REDIC1: variants seen among roughly 807,000 people sequenced by gnomAD.
REDIC1 encodes the protein HEI10 Interacting Protein 1.
the REDIC1 span, among the ~76,000 whole-genome samples, chr12:39,636,694 A>C: frequency 6.6e-6 from 1 of 152,076 alleles, no homozygotes; most frequent in African/African-American, 2.4e-5. Context: ...TTTCTTTTGC[A>C]TGACACAATG....
chr12:39,862,299 T>G, the REDIC1 span, among the ~76,000 whole-genome samples: 8 of 152,244 alleles, frequency 5.3e-5, no homozygotes, highest in Non-Finnish European at 1.2e-4. Flanking sequence ...GCAACCAATA[T>G]TTATTGAATT....
chr12:39,805,360 G>A, the REDIC1 span, among the ~76,000 whole-genome samples: 1 of 152,144 alleles, frequency 6.6e-6, no homozygotes, highest in Non-Finnish European at 1.5e-5. Context: ...GGAGGCATCT[G>A]TAATAATCCT....
the REDIC1 span, among the ~76,000 whole-genome samples, chr12:39,747,708 A>G: frequency 6.6e-6 from 1 of 152,262 alleles, no homozygotes; most frequent in Admixed American, 6.5e-5. Flanking sequence ...AGGGAAGCCC[A>G]TCAGACTAAC....
the REDIC1 span, among the ~76,000 whole-genome samples, chr12:39,804,147 A>C: frequency 4.6e-5 from 7 of 152,186 alleles, no homozygotes; most frequent in Admixed American, 2.0e-4. Flanking sequence ...TAAATATCTT[A>C]TTTAGGAGAC....
chr12:39,711,332 C>CACATATATACATCTATATGTATATAT, the REDIC1 span, among the ~76,000 whole-genome samples: 1,799 of 145,110 alleles, frequency 0.012, 19 homozygotes, highest in Non-Finnish European at 0.018. Context: ...ATGTATAGAT[C>CACATATATACATCTATATGTATATAT]ACATATATAC....
the REDIC1 span, among the ~76,000 whole-genome samples, chr12:39,834,219 G>C: frequency 6.6e-6 from 1 of 152,026 alleles, no homozygotes; most frequent in South Asian, 2.1e-4. Context: ...TGCCCATTAT[G>C]ACTCTTGAGA....
chr12:39,729,477 G>T, the REDIC1 span, among the ~76,000 whole-genome samples: 1 of 152,186 alleles, frequency 6.6e-6, no homozygotes, highest in Non-Finnish European at 1.5e-5. Context: ...TTTTAAGTGA[G>T]TTTCTTAACC....
At chr12:39,867,892 G>A in the REDIC1 span, among the ~76,000 whole-genome samples, 1 of 152,060 alleles carries the variant, frequency 6.6e-6, no homozygotes, top group Non-Finnish European at 1.5e-5. Context: ...CCAAGACAGG[G>A]CTAAAACCCC....
At chr12:39,643,228 A>G in the REDIC1 span, among the ~76,000 whole-genome samples, 7 of 151,804 alleles carry the variant, frequency 4.6e-5, no homozygotes, top group South Asian at 2.1e-4. Flanking sequence ...GAAAATAAAA[A>G]CTGGATAAAG....
the REDIC1 span, among the ~76,000 whole-genome samples, chr12:39,669,942 C>G: frequency 1.3e-5 from 2 of 152,092 alleles, no homozygotes; most frequent in Non-Finnish European, 2.9e-5. Context: ...TTTCAGGTGC[C>G]GTCTGTCACC....
the REDIC1 span, among the ~76,000 whole-genome samples, chr12:39,695,739 C>T: frequency 7.9e-4 from 121 of 152,250 alleles, no homozygotes; most frequent in African/African-American, 2.8e-3. Context: ...TTGCAGAGCC[C>T]TAGGGCCTTG....
At chr12:39,704,581 C>T in the REDIC1 span, among the ~76,000 whole-genome samples, 1 of 151,710 alleles carries the variant, frequency 6.6e-6, no homozygotes, top group Non-Finnish European at 1.5e-5. Flanking sequence ...GGTATATACC[C>T]AAAGGACTAT....
chr12:39,810,833 G>A, the REDIC1 span, among the ~76,000 whole-genome samples: 1 of 152,012 alleles, frequency 6.6e-6, no homozygotes, highest in Non-Finnish European at 1.5e-5. Context: ...GATTCAATTT[G>A]AGAATTTTTC....
At chr12:39,698,387 T>C in the REDIC1 span, among the ~76,000 whole-genome samples, 2 of 145,330 alleles carry the variant, frequency 1.4e-5, no homozygotes, top group Admixed American at 1.4e-4. Flanking sequence ...ACACTCCCAA[T>C]ACGATAATAG....
At chr12:39,779,581 T>A in the REDIC1 span, among the ~76,000 whole-genome samples, 2 of 152,162 alleles carry the variant, frequency 1.3e-5, no homozygotes, top group African/African-American at 4.8e-5. Context: ...ATTAAAACAC[T>A]TTTTTTGCTT....
At chr12:39,721,159 A>G in the REDIC1 span, 7 of 1,613,714 alleles carry the variant, frequency 4.3e-6, no homozygotes, top group Admixed American at 1.7e-5. Flanking sequence ...ATGTACATGT[A>G]GAAGTGATGT....
chr12:39,830,090 A>G, the REDIC1 span: 3 of 1,613,382 alleles, frequency 1.9e-6, no homozygotes, highest in Non-Finnish European at 8.5e-7. Context: ...GTATGGTAAA[A>G]TGAGTGATAT....
the REDIC1 span, among the ~76,000 whole-genome samples, chr12:39,695,371 G>A: frequency 0.035 from 5,394 of 152,180 alleles, 311 homozygotes; most frequent in African/African-American, 0.12. Flanking sequence ...GGAGCCTCCT[G>A]CCCTGAAGAG....
the REDIC1 span, among the ~76,000 whole-genome samples, chr12:39,741,764 C>T: frequency 1.3e-5 from 2 of 152,062 alleles, no homozygotes; most frequent in South Asian, 2.1e-4. Flanking sequence ...AGGCAGGTTT[C>T]CAGATTCTTT....
Sources: gnomAD v4.1 joint callset for allele counts (sites outside exome capture counted in the v4.1 genomes callset) on GRCh38, gnomAD v4.1.1 for gene constraint, MANE v1.5 for transcripts, NCBI Gene and HGNC (gene_info 2026-07-23, HGNC 2026-07-21) for gene names.